The following HELZ variants were observed in gnomAD, a reference collection of about 807,000 sequenced individuals.
The protein encoded by HELZ is helicase with zinc finger.
Under a neutral mutation model 218.2 loss-of-function variants are expected in HELZ, and 23 were observed. That is an observed-to-expected ratio of 0.11 (90% CI 0.08 to 0.15). The LOEUF (loss-of-function observed/expected upper bound fraction) is 0.15. Ranked by LOEUF, HELZ falls within the 10% of genes least tolerant of loss-of-function variation. The probability of loss-of-function intolerance (pLI) is 1.00; values close to 1 mark genes in which losing one functional copy is unlikely to be tolerated. For synonymous variants in HELZ, 814 were observed against 829.4 expected (o/e 0.98, Z 0.32); for missense variants, 1,813 against 2,353.7 (o/e 0.77, Z 4.75).
At chr17:67,245,934 G>GC (rs2041471431), upstream of HELZ, 2 of 152,192 alleles carry the variant, frequency 1.3e-5, no homozygotes, top group Admixed American at 1.3e-4. Context: ...GCCACCCTGG[G>GC]AGCGTCCGGG....
intron 5 of HELZ, among the ~76,000 whole-genome samples, chr17:67,209,103 T>C (rs1479698013): frequency 3.7e-5 from 5 of 135,176 alleles, no homozygotes; most frequent in African/African-American, 1.4e-4. Context: ...CGTCTCTATT[T>C]TAAAAGCCTG....
rs771109578 is a variant in HELZ at position 67,188,294 on chromosome 17, CG to C, written c.1162+24del. 7 of 1,578,286 alleles carry C rather than the reference CG, an allele frequency of 4.4e-6. No individual in the cohort carries two copies. The South Asian group carries it at 8.2e-5, about 18-fold the overall frequency. On this transcript the variant is annotated intron_variant, in intron 12 of 32. Coordinates refer to ENST00000358691, the MANE Select transcript of HELZ (RefSeq NM_014877.4). This position sits in a 1 kb window ranked among gnomAD's most constrained non-coding sequence, Gnocchi z 4.1. ...AATGTTGCTTTTTAACACATTGTAT[CG>C]GGGGAAAAAAGTCTAAATATTACCT...
intron 5 of HELZ, among the ~76,000 whole-genome samples, chr17:67,213,812 T>C (rs111813179): frequency 2.6e-5 from 4 of 152,220 alleles, no homozygotes; most frequent in African/African-American, 7.2e-5. Context: ...GTTGAATAAA[T>C]AGCAGCACAT....
chr17:67,077,418 T>C lies in HELZ; in HGVS notation c.*834A>G, dbSNP rs1308740557. On this transcript the variant is annotated 3_prime_UTR_variant, in exon 33 of 33. Transcript: ENST00000358691. ...AAAAGAATTTTACTAAATTCACGCATTTTTAAAATAGTTATCAAGTCTACT... is the reference window on the plus strand; with the variant it reads ...AAAAGAATTTTACTAAATTCACGCACTTTTAAAATAGTTATCAAGTCTACT... 3 of 152,208 alleles carry C rather than the reference T, an allele frequency of 2.0e-5. No individual in the cohort carries two copies. Among genetic ancestry groups the C allele is most frequent in the Non-Finnish European group, 2.9e-5 (2 of 68,014 alleles). 9.4% of individuals were successfully genotyped at this position (152,208 alleles called of 1,614,324 possible).
chr17:67,214,442 T>G (rs554354883), intron 5 of HELZ, among the ~76,000 whole-genome samples: 3 of 151,304 alleles, frequency 2.0e-5, no homozygotes, highest in Admixed American at 6.6e-5. Context: ...ATTTCTGTAT[T>G]TTTAGTAGAG....
chr17:67,239,260 G>A (rs1053983820), intron 3 of HELZ, among the ~76,000 whole-genome samples, 173 bp downstream of exon 3: 3 of 152,192 alleles, frequency 2.0e-5, no homozygotes, highest in Non-Finnish European at 4.4e-5. Context: ...CAGTCTCTTC[G>A]GAGCTTGTTC....
intron 31 of HELZ, among the ~76,000 whole-genome samples, chr17:67,092,466 C>T (rs566469573): frequency 2.0e-5 from 3 of 152,254 alleles, no homozygotes; most frequent in South Asian, 4.1e-4. Flanking sequence ...AACAGCTGGA[C>T]TCATACTCCT....
chr17:67,079,080 C>T (rs1401666372), intron 32 of HELZ, among the ~76,000 whole-genome samples: 10 of 152,274 alleles, frequency 6.6e-5, no homozygotes, highest in East Asian at 3.9e-4. Flanking sequence ...ATAAGGGGTG[C>T]GTGTGGAGAC....
At chr17:67,233,183 T>C (rs1158120520) in intron 3 of HELZ, among the ~76,000 whole-genome samples, 2 of 152,266 alleles carry the variant, frequency 1.3e-5, no homozygotes, top group East Asian at 1.9e-4. Context: ...TGAAACCCCA[T>C]ATCCACTAAA....
At chr17:67,158,262 A>G (rs2038900081) in intron 17 of HELZ, among the ~76,000 whole-genome samples, 1 of 152,130 alleles carries the variant, frequency 6.6e-6, no homozygotes, top group African/African-American at 2.4e-5. Context: ...AGAGACACCC[A>G]TCTTCATGGT....
rs547178617 is a variant in HELZ at position 67,110,305 on chromosome 17, G to A, written c.3919-619C>T. The stretch of plus-strand genomic sequence containing the variant: ...CCTGGTCTCAAACTCCTGACCTCAG[G>A]TGATCCGCCTGCCTCGGCCTCCCAA... On this transcript the variant is annotated intron_variant, in intron 28 of 32. Transcript: ENST00000358691. 6.6e-5 allele frequency among the ~76,000 whole-genome samples: 10 copies of A among 152,212 alleles called. No homozygotes were observed. The East Asian group carries it at 1.9e-3, about 29-fold the overall frequency.
At chr17:67,164,569 A>T (rs2039083875) in intron 15 of HELZ, among the ~76,000 whole-genome samples, 1 of 152,212 alleles carries the variant, frequency 6.6e-6, no homozygotes. Context: ...TGTACACTTA[A>T]AATGGTAAAG....
Position 67,094,034 on chromosome 17 carries a change from T to C in HELZ, c.5242-6953A>G, listed in dbSNP as rs144426840. 3.9e-5 allele frequency among the ~76,000 whole-genome samples: 6 copies of C among 152,290 alleles called. No homozygotes were observed. The East Asian group carries it at 9.7e-4, about 25-fold the overall frequency. ...TAACAAACCTGCACGCATACTCCAC[T>C]GAACCTAAGATAAAAGCTGGAAACA... On this transcript the variant is annotated intron_variant, in intron 31 of 32. Coordinates refer to ENST00000358691, the MANE Select transcript of HELZ (RefSeq NM_014877.4).
intron 2 of HELZ, 145 bp from the exon 3 acceptor site, chr17:67,239,634 A>G (rs962264135): frequency 2.0e-5 from 3 of 152,256 alleles, no homozygotes; most frequent in African/African-American, 7.2e-5. Flanking sequence ...CATGACCAGC[A>G]CTAGACCAAG....
intron 17 of HELZ, among the ~76,000 whole-genome samples, chr17:67,155,920 A>ATG (rs972215163): frequency 6.6e-6 from 1 of 150,510 alleles, no homozygotes. Flanking sequence ...TGATATATGT[A>ATG]TGTGTGTGTG....
chr17:67,231,277 G>A (rs749351744), intron 3 of HELZ, among the ~76,000 whole-genome samples: 11 of 152,164 alleles, frequency 7.2e-5, no homozygotes, highest in Non-Finnish European at 1.3e-4. Context: ...TCCAAATAAA[G>A]TCTAAAAATT....
chr17:67,226,805 A>G (rs1221801029), intron 3 of HELZ, among the ~76,000 whole-genome samples: 1 of 152,236 alleles, frequency 6.6e-6, no homozygotes, highest in African/African-American at 2.4e-5. Flanking sequence ...CTCAGCAACA[A>G]AAAGGAACAA....
chr17:67,107,750 T>C (rs1486660190), intron 30 of HELZ, 65 bp from the exon 31 acceptor site: 11 of 1,401,764 alleles, frequency 7.8e-6, no homozygotes, highest in Non-Finnish European at 9.7e-6. Flanking sequence ...GAAAGCTTAG[T>C]CAACTACACA....
At chr17:67,244,784 G>A in intron 1 of HELZ, 1 of 985,348 alleles carries the variant, frequency 1.0e-6, no homozygotes, top group Non-Finnish European at 1.2e-6. Flanking sequence ...CCGGAGGAGG[G>A]GAACGTGCCG....
Sources: allele counts gnomAD v4.1 joint callset (sites outside exome capture counted in the v4.1 genomes callset), GRCh38; gene constraint gnomAD v4.1.1; non-coding constraint Gnocchi (gnomAD v3.1); transcripts MANE v1.5; gene names NCBI Gene and HGNC (gene_info 2026-07-23, HGNC 2026-07-21).